DLC1: variants seen among roughly 807,000 people sequenced by gnomAD.
The protein encoded by DLC1 is DLC1 Rho GTPase activating protein, also known as rho GTPase-activating protein 7.
Under a neutral mutation model 140.3 loss-of-function variants are expected in DLC1, and 54 were observed. The observed-to-expected ratio is 0.38, with a 90% CI of 0.31 to 0.48. The LOEUF (loss-of-function observed/expected upper bound fraction) is 0.48. Ranked by LOEUF, DLC1 falls within the 20% of genes least tolerant of loss-of-function variation. DLC1 has a pLI of 0.96. For missense variants in DLC1, 2,536 were observed against 1,907.0 expected, an observed-to-expected ratio of 1.33 and a Z score of -6.14; for synonymous variants, 986 against 728.1, an observed-to-expected ratio of 1.35 and a Z score of -5.70.
intron 4 of DLC1, chr8:13,342,535 A>T (rs1834110305): frequency 6.6e-6 from 1 of 152,244 alleles, no homozygotes; most frequent in South Asian, 2.1e-4. Flanking sequence ...TCATCCAATC[A>T]GTTGAAGGCC....
chr8:13,190,103 A>G (rs549619150), intron 5 of DLC1, among the ~76,000 whole-genome samples: 4 of 152,322 alleles, frequency 2.6e-5, no homozygotes, highest in Admixed American at 1.3e-4. Context: ...ATTTTACTCA[A>G]TGTATTCCAA....
chr8:13,208,344 T>A (rs932413042), intron 5 of DLC1, among the ~76,000 whole-genome samples: 1 of 152,212 alleles, frequency 6.6e-6, no homozygotes, highest in Non-Finnish European at 1.5e-5. Flanking sequence ...AGGACTAAAT[T>A]TAGAAACACA....
chr8:13,298,752 C>T (rs894417940), intron 5 of DLC1, among the ~76,000 whole-genome samples: 4 of 152,150 alleles, frequency 2.6e-5, no homozygotes, highest in Non-Finnish European at 5.9e-5. Context: ...TAAAAATAAC[C>T]TGTTAGGCAC....
chr8:13,369,958 A>AAAGT (rs1322380766), intron 4 of DLC1, among the ~76,000 whole-genome samples: 2 of 151,056 alleles, frequency 1.3e-5, no homozygotes, highest in Non-Finnish European at 2.9e-5. Flanking sequence ...CAAAGTCCCT[A>AAAGT]CAAGGCCTCT....
chr8:13,570,192 G>T (rs904688659), intron 1 of DLC1, among the ~76,000 whole-genome samples: 1 of 152,134 alleles, frequency 6.6e-6, no homozygotes, highest in South Asian at 2.1e-4. Flanking sequence ...CTATTCTCAT[G>T]TAATCCCTCC....
rs537160545 is a variant in DLC1, at chr8:13,128,611, T to G, written c.1349-12954A>C. 9.2e-5 allele frequency among the ~76,000 whole-genome samples: 14 copies of G among 152,238 alleles called. No individual in the cohort carries two copies. The South Asian group carries it at 2.5e-3, about 27-fold the overall frequency. ...ACTTTGGGAGGCCGAGGCGGGCGGATCACGAGGTCAGGAGATCCAGACCAT... is the reference window on the plus strand; with the variant it reads ...ACTTTGGGAGGCCGAGGCGGGCGGAGCACGAGGTCAGGAGATCCAGACCAT... On this transcript the variant is annotated intron_variant, in intron 5 of 17. Transcript: ENST00000276297.
intron 6 of DLC1, among the ~76,000 whole-genome samples, chr8:13,114,807 T>C (rs1820411746): frequency 6.6e-6 from 1 of 152,208 alleles, no homozygotes; most frequent in African/African-American, 2.4e-5. Context: ...TCTATATCAT[T>C]TTATATCCAT....
chr8:13,275,546 T>C (rs769846227), intron 5 of DLC1, among the ~76,000 whole-genome samples: 1 of 152,218 alleles, frequency 6.6e-6, no homozygotes, highest in Non-Finnish European at 1.5e-5. Context: ...AGTTTTTTCA[T>C]ATCGTAGTGA....
chr8:13,504,121 A>ATTT (rs370240794), intron 1 of DLC1, among the ~76,000 whole-genome samples: 3,051 of 126,388 alleles, frequency 0.024, 138 homozygotes, highest in African/African-American at 0.086. Flanking sequence ...ATTTCAGAGA[A>ATTT]TTTTTTTTTT....
At chr8:13,431,991 A>G (rs1554519096) in intron 2 of DLC1, among the ~76,000 whole-genome samples, 1 of 152,226 alleles carries the variant, frequency 6.6e-6, no homozygotes, top group Non-Finnish European at 1.5e-5. Context: ...CAACTCTTGT[A>G]TTTGTTTATA....
intron 5 of DLC1, among the ~76,000 whole-genome samples, chr8:13,152,824 G>GAAGAAAAAA (rs1554451777): frequency 1.1e-5 from 1 of 91,346 alleles, no homozygotes; most frequent in African/African-American, 4.2e-5. Flanking sequence ...CTCTGGGGAA[G>GAAGAAAAAA]AAAAAAAAAA....
intron 1 of DLC1, chr8:13,568,312 G>A (rs952635382): frequency 2.7e-5 from 5 of 188,218 alleles, no homozygotes; most frequent in East Asian, 1.6e-4. Flanking sequence ...TTGTGCGCCC[G>A]GATGAATGAT....
chr8:13,085,852 T>A lies in DLC1; in HGVS notation c.4546A>T (p.Ser1516Cys). ...AEVVKIRDSF[S>C]NQNTETKDTK... ...TCTTTGGTTTCAGTGTTCTGGTTAC[T>A]GAAGGAATCCCGGATCTTTACAACT... The change falls in exon 18 of 18, where the codon AGT becomes TGT. Residue 1516 changes from serine to cysteine, a missense_variant. Physicochemically the swap from Ser to Cys is moderately radical, Grantham distance 112. Coordinates refer to ENST00000276297, the MANE Select transcript of DLC1 (RefSeq NM_182643.3). The A allele has an allele frequency of 6.2e-7, 1 of 1,614,198 alleles. No individual in the cohort carries two copies. The highest frequency in any genetic ancestry group is 8.5e-7 in the Non-Finnish European group (1 of 1,180,030).
At chr8:13,111,014 G>A (rs1820062646) in intron 6 of DLC1, among the ~76,000 whole-genome samples, 191 bp from the exon 7 acceptor site, 1 of 152,152 alleles carries the variant, frequency 6.6e-6, no homozygotes, top group African/African-American at 2.4e-5. Flanking sequence ...TGTCCTAAAG[G>A]AGCTTCGGCT....
At chr8:13,433,928 T>C (rs542167323) in intron 2 of DLC1, among the ~76,000 whole-genome samples, 1 of 152,364 alleles carries the variant, frequency 6.6e-6, no homozygotes, top group South Asian at 2.1e-4. Context: ...CGATCTCGGC[T>C]CACTGCAATC....
At chr8:13,206,141 C>A (rs1827653540) in intron 5 of DLC1, among the ~76,000 whole-genome samples, 1 of 152,066 alleles carries the variant, frequency 6.6e-6, no homozygotes, top group South Asian at 2.1e-4. Context: ...ATGTAACACC[C>A]AATTAATGTT....
At chr8:13,289,018 C>T (rs77738683) in intron 5 of DLC1, among the ~76,000 whole-genome samples, 3,421 of 152,206 alleles carry the variant, frequency 0.022, 37 homozygotes, top group South Asian at 0.041. Flanking sequence ...ATATTAGGTG[C>T]TCTGTGTGTG....
intron 5 of DLC1, among the ~76,000 whole-genome samples, chr8:13,185,796 T>C (rs984765321): frequency 6.6e-6 from 1 of 152,166 alleles, no homozygotes; most frequent in African/African-American, 2.4e-5. Flanking sequence ...GGTTGATCCT[T>C]TCCATGTTTA....
chr8:13,188,890 C>G (rs1826578777), intron 5 of DLC1, among the ~76,000 whole-genome samples: 1 of 126,744 alleles, frequency 7.9e-6, no homozygotes, highest in South Asian at 2.6e-4. Context: ...GAAGTTTCAT[C>G]ATGTTGGCCA....
Sources: gnomAD v4.1 joint callset for allele counts (sites outside exome capture counted in the v4.1 genomes callset) on GRCh38, gnomAD v4.1.1 for gene constraint, MANE v1.5 for transcripts, NCBI Gene and HGNC (gene_info 2026-07-23, HGNC 2026-07-21) for gene names.